Variants in AIMP1 observed in about 807,000 individuals in gnomAD.
AIMP1 encodes aminoacyl tRNA synthetase complex interacting multifunctional protein 1.
A neutral mutation model predicts 33.1 loss-of-function variants in AIMP1; 24 were observed. The ratio of observed to expected loss-of-function variants is 0.73; its 90% CI spans 0.53 to 1.02. The LOEUF is 1.02. Ranked by LOEUF, AIMP1 falls within the 50% of genes least tolerant of loss-of-function variation. The pLI, the probability that AIMP1 is intolerant of heterozygous loss-of-function variation, is 0.00. For missense variants in AIMP1, 367 were observed against 364.8 expected (o/e 1.01, Z -0.05); for synonymous variants, 120 against 121.5 (o/e 0.99, Z 0.08).
Position 106,338,033 on chromosome 4 carries a change from G to A in AIMP1, c.772+996G>A, listed in dbSNP as rs1769956742. On this transcript the variant is annotated intron_variant, in intron 6 of 6. Transcript: ENST00000672341. ...TTGAACTTGAGAAAGATGAGTTAGG[G>A]TATCTGGCAGAAGAAATTTCTAAGC... 2.6e-5 allele frequency among the ~76,000 whole-genome samples: 4 copies of A among 152,172 alleles called. No individual in the cohort carries two copies. In the South Asian group the frequency reaches 6.2e-4, roughly 24 times the overall value.
At chr4:106,338,359 A>G (rs1344143401) in intron 6 of AIMP1, among the ~76,000 whole-genome samples, 3 of 152,210 alleles carry the variant, frequency 2.0e-5, no homozygotes, top group African/African-American at 7.2e-5. Flanking sequence ...GGAAGAAAAA[A>G]TGGTTTCCTG....
intron 6 of AIMP1, among the ~76,000 whole-genome samples, chr4:106,337,571 A>G (rs1339839858): frequency 6.6e-6 from 1 of 152,222 alleles, no homozygotes; most frequent in Admixed American, 6.5e-5. Flanking sequence ...TTTCTTTTAT[A>G]AATTACCCAG....
At chr4:106,341,956 C>G (rs1480433912) in intron 6 of AIMP1, among the ~76,000 whole-genome samples, 9 of 152,088 alleles carry the variant, frequency 5.9e-5, no homozygotes, top group Non-Finnish European at 1.2e-4. Flanking sequence ...TTTGTATCAT[C>G]TGTGATTTCT....
intron 4 of AIMP1, 70 bp from the exon 5 acceptor site, chr4:106,331,602 A>T (rs1769677417): frequency 7.4e-7 from 1 of 1,355,094 alleles, no homozygotes; most frequent in African/African-American, 1.4e-5. Flanking sequence ...TATGGATACC[A>T]TGGAGTTTTC....
At chr4:106,331,521 T>G in intron 4 of AIMP1, 151 bp from the exon 5 acceptor site, 1 of 663,458 alleles carries the variant, frequency 1.5e-6, no homozygotes. Flanking sequence ...GGATAATTTT[T>G]TTCTTTGTTA....
rs776200406 is a variant in AIMP1, at chr4:106,324,981, A to G, written c.-25-4A>G. On this transcript the variant is annotated splice_region_variant and splice_polypyrimidine_tract_variant and intron_variant, in intron 1 of 6. Transcript: ENST00000672341. ...GTAATTTATCACTTTTATTTTTCCT[A>G]TAGGATTTTCTGCCGTCTCTTGGCA... The G allele has an allele frequency of 5.0e-6, 8 of 1,593,500 alleles. No homozygotes were observed. Among genetic ancestry groups the G allele is most frequent in the Admixed American group, 1.7e-5 (1 of 57,770 alleles).
chr4:106,339,729 A>G (rs528542460), intron 6 of AIMP1, among the ~76,000 whole-genome samples: 5 of 152,368 alleles, frequency 3.3e-5, no homozygotes, highest in African/African-American at 1.2e-4. Flanking sequence ...AATGTGCTGC[A>G]AAATCTCTTA....
intron 1 of AIMP1, chr4:106,316,840 CTAAGCGTATTTACTGT>C (rs1561017646): frequency 2.1e-6 from 1 of 483,340 alleles, no homozygotes; most frequent in African/African-American, 1.9e-5. Flanking sequence ...ATATCGATCC[CTAAGCGTATTTACTGT>C]TATGTGAATG....
chr4:106,331,929 C>T, intron 5 of AIMP1, 46 bp downstream of exon 5: 1 of 1,505,138 alleles, frequency 6.6e-7, no homozygotes, highest in Non-Finnish European at 9.2e-7. Context: ...ACAACATTTT[C>T]ATTCCCTCCT....
Position 106,347,804 on chromosome 4 carries a change from T to G in AIMP1, c.*112T>G. On this transcript the variant is annotated 3_prime_UTR_variant, in exon 7 of 7. Transcript: ENST00000672341. ...GGCTCATTTTTGCATTACTCTCTTC[T>G]AGACTTGACTAGTCATTTACTTGGT... The G allele has an allele frequency of 1.9e-6, 2 of 1,079,492 alleles. No homozygotes were observed. The highest frequency in any genetic ancestry group is 2.7e-6 in the Non-Finnish European group (2 of 741,922). The allele number at this position is 1,079,492 out of a possible 1,614,324, so 66.9% of individuals were successfully genotyped here. A position where few individuals can be genotyped will look rare whatever the true frequency, so the allele number is the denominator to read the frequency against.
In AIMP1 at chr4:106,337,030, T is replaced by G. The variant is rs371633224; in HGVS notation, c.765T>G (p.Ala255=). 2 of 1,613,760 alleles carry G rather than the reference T, an allele frequency of 1.2e-6. No homozygotes were observed. Among genetic ancestry groups the G allele is most frequent in the African/African-American group, 2.7e-5 (2 of 74,924 alleles). The change falls in exon 6 of 7, where the codon GCT becomes GCG. Residue 255 remains alanine (A), a synonymous_variant. Coordinates refer to ENST00000672341, the MANE Select transcript of AIMP1 (RefSeq NM_001142416.2). The stretch of plus-strand genomic sequence containing the variant: ...CTGGAGACAGAATTACTTTTGATGC[T>G]TTCCCAGGTAGGTATTTATTAGTAA... ...SVPGDRITFD[A]FPGEPDKELN...
intron 1 of AIMP1, among the ~76,000 whole-genome samples, chr4:106,322,193 CAT>C (rs1769290071): frequency 1.3e-5 from 2 of 152,026 alleles, no homozygotes; most frequent in African/African-American, 4.8e-5. Context: ...GACCTTTGTT[CAT>C]ATGTTTATCT....
At chr4:106,332,927 A>G (rs1769737291) in intron 5 of AIMP1, among the ~76,000 whole-genome samples, 1 of 152,160 alleles carries the variant, frequency 6.6e-6, no homozygotes, top group Admixed American at 6.5e-5. Context: ...TATCTTTCAT[A>G]GTATTTCATA....
rs1393425790 is a variant in AIMP1 at position 106,349,024 on chromosome 4, C to A, written c.*1332C>A. Reference sequence around the variant, plus strand: ...AAACAACCCTGCATGTTATAAAAGGCAGAATTAAATTTTATTTATTTAAAT... The same window carrying A: ...AAACAACCCTGCATGTTATAAAAGGAAGAATTAAATTTTATTTATTTAAAT... On this transcript the variant is annotated 3_prime_UTR_variant, in exon 7 of 7. Transcript: ENST00000672341. 6.6e-6 allele frequency: 1 copy of A among 151,974 alleles called. No individual in the cohort carries two copies. The highest frequency in any genetic ancestry group is 2.4e-5 in the African/African-American group (1 of 41,372). 9.4% of individuals were successfully genotyped at this position (151,974 alleles called of 1,614,324 possible).
At chr4:106,337,957 T>C (rs910553093) in intron 6 of AIMP1, among the ~76,000 whole-genome samples, 1 of 152,196 alleles carries the variant, frequency 6.6e-6, no homozygotes, top group African/African-American at 2.4e-5. Flanking sequence ...TGCTATACTT[T>C]AGCAAAGAGA....
intron 1 of AIMP1, among the ~76,000 whole-genome samples, chr4:106,323,308 G>A: frequency 6.6e-6 from 1 of 152,012 alleles, no homozygotes; most frequent in East Asian, 1.9e-4. Context: ...TTCTGTATGA[G>A]TCAGAACATG....
chr4:106,318,443 G>T (rs866611192), intron 1 of AIMP1, among the ~76,000 whole-genome samples: 45 of 152,122 alleles, frequency 3.0e-4, no homozygotes, highest in African/African-American at 1.1e-3. Context: ...TACATATCCA[G>T]TAATTAGATT....
chr4:106,320,693 G>A (rs1490463457), intron 1 of AIMP1, among the ~76,000 whole-genome samples: 1 of 152,016 alleles, frequency 6.6e-6, no homozygotes, highest in Non-Finnish European at 1.5e-5. Context: ...GAGGTGACAA[G>A]GAAGTAGGAG....
intron 1 of AIMP1, 53 bp downstream of exon 1, chr4:106,316,647 AG>A: frequency 6.5e-7 from 1 of 1,531,560 alleles, no homozygotes; most frequent in Non-Finnish European, 8.8e-7. Flanking sequence ...TTGCGATCGT[AG>A]GGGTCTTCCT....
Sources: allele counts gnomAD v4.1 joint callset (sites outside exome capture counted in the v4.1 genomes callset), GRCh38; gene constraint gnomAD v4.1.1; transcripts MANE v1.5; gene names NCBI Gene and HGNC (gene_info 2026-07-23, HGNC 2026-07-21).